PEAK1: variants seen among roughly 807,000 people sequenced by gnomAD.
The protein encoded by PEAK1 is pseudopodium enriched atypical kinase 1.
PEAK1 carries 54 observed loss-of-function variants against 124.7 expected under a neutral mutation model. The ratio of observed to expected loss-of-function variants is 0.43; its 90% CI spans 0.35 to 0.54. The LOEUF (loss-of-function observed/expected upper bound fraction) is 0.54. Among genes scored for constraint, PEAK1 ranks in the 20% least tolerant of loss-of-function variants. The pLI, the probability that PEAK1 is intolerant of heterozygous loss-of-function variation, is 0.01. For synonymous variants in PEAK1, 719 were observed against 760.0 expected (o/e 0.95, Z 0.89); for missense variants, 2,046 against 2,134.5 (o/e 0.96, Z 0.82).
intron 2 of PEAK1, among the ~76,000 whole-genome samples, chr15:77,308,112 A>G (rs1267311664): frequency 6.6e-6 from 1 of 152,102 alleles, no homozygotes; most frequent in African/African-American, 2.4e-5. Flanking sequence ...CTTTTCAGGT[A>G]TACTAACAGA....
chr15:77,236,628 G>A (rs951680287), intron 6 of PEAK1, among the ~76,000 whole-genome samples: 1 of 152,282 alleles, frequency 6.6e-6, no homozygotes. Context: ...TTAAGACTGG[G>A]GGACTGTTGG....
At chr15:77,393,814 G>A (rs2070683258) in intron 1 of PEAK1, among the ~76,000 whole-genome samples, 1 of 152,204 alleles carries the variant, frequency 6.6e-6, no homozygotes, top group Admixed American at 6.5e-5. Flanking sequence ...CAGCACCAAG[G>A]GGGATCTTGC....
chr15:77,179,008 C>G lies in PEAK1; in HGVS notation c.2919G>C (p.Trp973Cys). 4 of 1,614,116 alleles carry G rather than the reference C, an allele frequency of 2.5e-6. No homozygotes were observed. Among genetic ancestry groups the G allele is most frequent in the Non-Finnish European group, 2.5e-6 (3 of 1,180,020 alleles). The stretch of plus-strand genomic sequence containing the variant: ...TGGACTCTCCTTTCGCCTCTGTGAA[C>G]CAGTGATGGCGCTGAACTGGAGGAG... The part of the protein sequence containing the change: ...LPPPPVQRHH[W>C]FTEAKGESSE... The change falls in exon 7 of 10, where the codon TGG (tryptophan) becomes TGC (cysteine). Residue 973 changes from tryptophan to cysteine, a missense_variant. Physicochemically the swap from Trp to Cys is radical, Grantham distance 215. Coordinates refer to ENST00000682557, the MANE Select transcript of PEAK1 (RefSeq NM_001385026.1).
chr15:77,329,949 A>C (rs897835183), intron 2 of PEAK1, among the ~76,000 whole-genome samples: 2 of 152,168 alleles, frequency 1.3e-5, no homozygotes, highest in African/African-American at 4.8e-5. Flanking sequence ...TCTTGGTTCT[A>C]ATTTAAGAGC....
At chr15:77,367,132 C>T (rs1245942490) in intron 1 of PEAK1, among the ~76,000 whole-genome samples, 2 of 152,002 alleles carry the variant, frequency 1.3e-5, no homozygotes, top group African/African-American at 4.8e-5. Flanking sequence ...GACTCCATCT[C>T]AAAAAAGAGC....
At chr15:77,291,296 G>A (rs568124485) in intron 2 of PEAK1, among the ~76,000 whole-genome samples, 139 of 152,188 alleles carry the variant, frequency 9.1e-4, no homozygotes, top group African/African-American at 3.2e-3. Context: ...TGAATGAAAG[G>A]TTAAAAAATG....
intron 2 of PEAK1, among the ~76,000 whole-genome samples, chr15:77,320,597 G>C (rs181260646): frequency 2.0e-5 from 3 of 152,226 alleles, no homozygotes; most frequent in African/African-American, 7.2e-5. Flanking sequence ...CTTATCTAGA[G>C]CAGCTAACTG....
At chr15:77,246,421 C>T (rs556474588) in intron 6 of PEAK1, among the ~76,000 whole-genome samples, 2 of 150,950 alleles carry the variant, frequency 1.3e-5, no homozygotes, top group Admixed American at 6.6e-5. Flanking sequence ...CTACTCAGGA[C>T]GCTGAGGTAG....
chr15:77,318,142 A>G (rs2064987980), intron 2 of PEAK1, among the ~76,000 whole-genome samples: 1 of 151,940 alleles, frequency 6.6e-6, no homozygotes, highest in South Asian at 2.1e-4. Context: ...AAATCTACAC[A>G]GGTAACAAAA....
intron 9 of PEAK1, among the ~76,000 whole-genome samples, chr15:77,119,964 C>G (rs2051760072): frequency 6.6e-6 from 1 of 152,136 alleles, no homozygotes; most frequent in South Asian, 2.1e-4. Flanking sequence ...GATCACAAAG[C>G]CTGGGACCTG....
chr15:77,196,632 T>G (rs928796863), intron 6 of PEAK1, among the ~76,000 whole-genome samples: 4 of 152,164 alleles, frequency 2.6e-5, no homozygotes, highest in Non-Finnish European at 5.9e-5. Context: ...GCATGTTAAC[T>G]GGTATACAGC....
intron 1 of PEAK1, among the ~76,000 whole-genome samples, chr15:77,386,886 T>C (rs2069993564): frequency 6.6e-6 from 1 of 152,060 alleles, no homozygotes; most frequent in Non-Finnish European, 1.5e-5. Context: ...ACAACAGAAA[T>C]ATACTGGAAA....
chr15:77,143,919 G>A (rs962649068), intron 8 of PEAK1, among the ~76,000 whole-genome samples: 1 of 152,194 alleles, frequency 6.6e-6, no homozygotes, highest in Non-Finnish European at 1.5e-5. Flanking sequence ...ACTAGAACAT[G>A]AACCTATTCT....
chr15:77,309,445 A>G (rs577999265), intron 2 of PEAK1, among the ~76,000 whole-genome samples: 1 of 152,188 alleles, frequency 6.6e-6, no homozygotes, highest in South Asian at 2.1e-4. Context: ...AAAAAAAAAC[A>G]CCTTTACAGC....
intron 6 of PEAK1, among the ~76,000 whole-genome samples, chr15:77,227,720 G>A (rs2059738193): frequency 6.6e-6 from 1 of 152,048 alleles, no homozygotes; most frequent in Non-Finnish European, 1.5e-5. Flanking sequence ...AAATGAGGCT[G>A]GGCACAGTTG....
intron 1 of PEAK1, among the ~76,000 whole-genome samples, chr15:77,388,960 ATTTT>A (rs751451938): frequency 8.2e-6 from 1 of 121,686 alleles, no homozygotes; most frequent in African/African-American, 3.1e-5. Flanking sequence ...TCTTTTGCTT[ATTTT>A]TTTTTTTTTT....
At chr15:77,334,136 T>C (rs1221660464) in intron 2 of PEAK1, 3 of 920,878 alleles carry the variant, frequency 3.3e-6, no homozygotes, top group African/African-American at 1.8e-5. Context: ...ACTTAAGAGA[T>C]TTTTTTTCTC....
intron 2 of PEAK1, among the ~76,000 whole-genome samples, chr15:77,343,538 G>A (rs2066678889): frequency 6.7e-6 from 1 of 149,650 alleles, no homozygotes; most frequent in African/African-American, 2.5e-5. Flanking sequence ...TTAGGTTGGA[G>A]GGGAGTGGCA....
chr15:77,176,667 T>C (rs2056895944), intron 7 of PEAK1, among the ~76,000 whole-genome samples: 1 of 152,224 alleles, frequency 6.6e-6, no homozygotes, highest in Non-Finnish European at 1.5e-5. Flanking sequence ...GACTGGCCTA[T>C]GTATAACCTA....
Sources: allele counts gnomAD v4.1 joint callset (sites outside exome capture counted in the v4.1 genomes callset), GRCh38; gene constraint gnomAD v4.1.1; transcripts MANE v1.5; gene names NCBI Gene and HGNC (gene_info 2026-07-23, HGNC 2026-07-21).